NKAIN3: variants seen among roughly 807,000 people sequenced by gnomAD.
The protein encoded by NKAIN3 is sodium/potassium transporting ATPase interacting 3, also known as sodium/potassium-transporting ATPase subunit beta-1-interacting protein 3.
Under a neutral mutation model 30.2 loss-of-function variants are expected in NKAIN3, and 25 were observed. The ratio of observed to expected loss-of-function variants is 0.83; its 90% CI spans 0.60 to 1.16. NKAIN3 has a LOEUF of 1.16. Among genes scored for constraint, NKAIN3 ranks in the 50% most tolerant of loss-of-function variants. The pLI is 0.00. For synonymous variants in NKAIN3, 91 were observed against 89.6 expected (o/e 1.02, Z -0.09); for missense variants, 225 against 254.1 (o/e 0.89, Z 0.78).
At chr8:62,888,012 T>C (rs1418236320) in intron 4 of NKAIN3, among the ~76,000 whole-genome samples, 1 of 152,142 alleles carries the variant, frequency 6.6e-6, no homozygotes, top group African/African-American at 2.4e-5. Flanking sequence ...CCTTTAACGA[T>C]GTGGTGGTAA....
At chr8:62,682,645 G>A (rs1813677706) in intron 3 of NKAIN3, among the ~76,000 whole-genome samples, 2 of 152,150 alleles carry the variant, frequency 1.3e-5, no homozygotes, top group African/African-American at 4.8e-5. Context: ...GGTGGGGAGT[G>A]CAATATGGGA....
chr8:62,474,903 A>C (rs1451836), intron 1 of NKAIN3, among the ~76,000 whole-genome samples: 54,369 of 152,022 alleles, frequency 0.36, 10,500 homozygotes, highest in South Asian at 0.45. Flanking sequence ...TAAAAAGTCA[A>C]TTAAAATTTC....
At chr8:62,964,356 A>G (rs1283885668) in intron 6 of NKAIN3, among the ~76,000 whole-genome samples, 1 of 152,190 alleles carries the variant, frequency 6.6e-6, no homozygotes, top group Non-Finnish European at 1.5e-5. Flanking sequence ...TACTGTGTTG[A>G]GGTTGACATT....
At chr8:62,566,912 T>C (rs1048701595) in intron 1 of NKAIN3, among the ~76,000 whole-genome samples, 1 of 152,142 alleles carries the variant, frequency 6.6e-6, no homozygotes, top group African/African-American at 2.4e-5. Context: ...AAGGAACTTA[T>C]TCATAATATT....
At chr8:62,905,761 G>T (rs1821755161) in intron 4 of NKAIN3, among the ~76,000 whole-genome samples, 1 of 152,022 alleles carries the variant, frequency 6.6e-6, no homozygotes, top group African/African-American at 2.4e-5. Flanking sequence ...ATACTTCTCT[G>T]GTCAGTCCTT....
At chr8:62,766,161 A>G (rs778352839) in intron 4 of NKAIN3, among the ~76,000 whole-genome samples, 1 of 152,218 alleles carries the variant, frequency 6.6e-6, no homozygotes, top group Non-Finnish European at 1.5e-5. Flanking sequence ...GGTTATTAGA[A>G]TAACACAGAG....
chr8:62,799,645 T>C (rs1401403959), intron 4 of NKAIN3, among the ~76,000 whole-genome samples: 1 of 152,162 alleles, frequency 6.6e-6, no homozygotes, highest in Non-Finnish European at 1.5e-5. Context: ...GGAGATTCCT[T>C]AAAGAACTAA....
intron 4 of NKAIN3, among the ~76,000 whole-genome samples, chr8:62,788,611 T>G (rs918405516): frequency 2.0e-5 from 3 of 152,284 alleles, no homozygotes; most frequent in Admixed American, 6.5e-5. Flanking sequence ...TCCTTGCCCA[T>G]GCCTATGTCC....
intron 1 of NKAIN3, among the ~76,000 whole-genome samples, chr8:62,550,125 T>C (rs1377122392): frequency 6.6e-6 from 1 of 152,118 alleles, no homozygotes; most frequent in Non-Finnish European, 1.5e-5. Context: ...GTCAATCATG[T>C]AGCTATGTTA....
At chr8:62,732,135 T>C (rs1815487852) in intron 3 of NKAIN3, among the ~76,000 whole-genome samples, 1 of 152,146 alleles carries the variant, frequency 6.6e-6, no homozygotes, top group Non-Finnish European at 1.5e-5. Flanking sequence ...TTTTTAAGAA[T>C]ATTGCACTTA....
intron 3 of NKAIN3, among the ~76,000 whole-genome samples, chr8:62,700,966 C>T (rs1814313532): frequency 6.6e-6 from 1 of 152,148 alleles, no homozygotes; most frequent in Non-Finnish European, 1.5e-5. Flanking sequence ...ATTATGTTTG[C>T]ATTTTGATCC....
At chr8:62,900,500 A>G (rs1821580547) in intron 4 of NKAIN3, among the ~76,000 whole-genome samples, 1 of 152,210 alleles carries the variant, frequency 6.6e-6, no homozygotes, top group Non-Finnish European at 1.5e-5. Flanking sequence ...CTCCAAAGCC[A>G]GAGTGTCCCT....
At chr8:62,481,553 C>T (rs1354284789) in intron 1 of NKAIN3, among the ~76,000 whole-genome samples, 1 of 152,168 alleles carries the variant, frequency 6.6e-6, no homozygotes, top group Non-Finnish European at 1.5e-5. Context: ...AAATCCCCAC[C>T]AGCTAGCACA....
At chr8:62,517,570 G>A (rs1356751153) in intron 1 of NKAIN3, among the ~76,000 whole-genome samples, 1 of 152,076 alleles carries the variant, frequency 6.6e-6, no homozygotes, top group Non-Finnish European at 1.5e-5. Context: ...ACCATTATCT[G>A]GAACTGCACC....
intron 4 of NKAIN3, among the ~76,000 whole-genome samples, chr8:62,781,034 A>G (rs1817339685): frequency 6.6e-6 from 1 of 151,986 alleles, no homozygotes; most frequent in South Asian, 2.1e-4. Context: ...ATTTAGAAAA[A>G]CCAAGATTTC....
intron 2 of NKAIN3, among the ~76,000 whole-genome samples, chr8:62,585,530 C>T (rs1297609055): frequency 2.0e-5 from 3 of 152,074 alleles, no homozygotes; most frequent in South Asian, 2.1e-4. Context: ...AGAGGTTGGG[C>T]GAGTTGGTTT....
chr8:62,613,395 T>C (rs1811352010), intron 3 of NKAIN3, among the ~76,000 whole-genome samples: 1 of 152,184 alleles, frequency 6.6e-6, no homozygotes, highest in African/African-American at 2.4e-5. Flanking sequence ...GCCAGACGTA[T>C]TGGAGCTCCT....
At chr8:62,792,628 A>G (rs1243133168) in intron 4 of NKAIN3, among the ~76,000 whole-genome samples, 7 of 48,694 alleles carry the variant, frequency 1.4e-4, no homozygotes, top group Non-Finnish European at 3.4e-4. Context: ...TCAGTGTGAT[A>G]CACACTAACA....
chr8:62,388,156 T>C (rs1315433496), intron 1 of NKAIN3, among the ~76,000 whole-genome samples: 1 of 152,252 alleles, frequency 6.6e-6, no homozygotes, highest in Non-Finnish European at 1.5e-5. Flanking sequence ...ATTTAAAATA[T>C]CTGCTTCATG....
Sources: gnomAD v4.1 joint callset for allele counts (sites outside exome capture counted in the v4.1 genomes callset) on GRCh38, gnomAD v4.1.1 for gene constraint, MANE v1.5 for transcripts, NCBI Gene and HGNC (gene_info 2026-07-23, HGNC 2026-07-21) for gene names.